Variants in CIMIP2C observed in about 807,000 individuals in gnomAD.
CIMIP2C encodes ciliary microtubule inner protein 2C, also known as UPF0573 protein C2orf70.
chr2:26,573,282 G>C, the CIMIP2C span, among the ~76,000 whole-genome samples: 1 of 152,140 alleles, frequency 6.6e-6, no homozygotes, highest in Non-Finnish European at 1.5e-5. Flanking sequence ...CTTCCTCTTC[G>C]CCATCTTTAA....
At chr2:26,570,303 G>A in the CIMIP2C span, among the ~76,000 whole-genome samples, 1 of 152,186 alleles carries the variant, frequency 6.6e-6, no homozygotes, top group Admixed American at 6.5e-5. Flanking sequence ...CCCTGTAGGC[G>A]GGATGCTTCA....
chr2:26,577,804 CA>C, the CIMIP2C span: 1 of 546,288 alleles, frequency 1.8e-6, no homozygotes, highest in Admixed American at 3.8e-5. Context: ...TTGGCAGCCT[CA>C]GGGGGGATGG....
chr2:26,572,873 C>T, the CIMIP2C span, among the ~76,000 whole-genome samples: 2 of 152,204 alleles, frequency 1.3e-5, no homozygotes, highest in Admixed American at 6.5e-5. Flanking sequence ...GGAACCTCCC[C>T]TCCACGTGGG....
the CIMIP2C span, among the ~76,000 whole-genome samples, chr2:26,571,330 A>G: frequency 9.2e-5 from 14 of 152,246 alleles, no homozygotes; most frequent in African/African-American, 3.1e-4. Context: ...GACACTTGTC[A>G]TGGAGCTCCT....
the CIMIP2C span, among the ~76,000 whole-genome samples, chr2:26,571,574 G>T: frequency 2.0e-5 from 3 of 152,308 alleles, no homozygotes; most frequent in South Asian, 6.2e-4. Flanking sequence ...CACACAGCAG[G>T]TTCCTGATAA....
At chr2:26,573,661 G>A in the CIMIP2C span, among the ~76,000 whole-genome samples, 33 of 152,226 alleles carry the variant, frequency 2.2e-4, no homozygotes, top group African/African-American at 7.5e-4. Flanking sequence ...TGGCCTCCGC[G>A]GGGAACTCAG....
chr2:26,575,844 A>T, the CIMIP2C span: 1 of 1,570,192 alleles, frequency 6.4e-7, no homozygotes, highest in Non-Finnish European at 8.6e-7. Flanking sequence ...CCTCTCTTGG[A>T]ACAGGCCTGG....
At chr2:26,577,946 A>G in the CIMIP2C span, 4 of 377,762 alleles carry the variant, frequency 1.1e-5, no homozygotes, top group Non-Finnish European at 1.9e-5. Context: ...GCAGCCTGGC[A>G]GCTACACTAG....
At chr2:26,567,761 C>A in the CIMIP2C span, among the ~76,000 whole-genome samples, 1 of 152,212 alleles carries the variant, frequency 6.6e-6, no homozygotes, top group African/African-American at 2.4e-5. Context: ...GTATTAGAAT[C>A]TCCTGGGGAG....
the CIMIP2C span, among the ~76,000 whole-genome samples, chr2:26,577,280 A>G: frequency 6.6e-6 from 1 of 152,196 alleles, no homozygotes; most frequent in South Asian, 2.1e-4. Flanking sequence ...CTCCATAGCA[A>G]AGCTGGTCTG....
chr2:26,569,167 G>A, the CIMIP2C span, among the ~76,000 whole-genome samples: 132,167 of 151,920 alleles, frequency 0.87, 58,166 homozygotes, highest in Non-Finnish European at 0.94. Flanking sequence ...TTCAAGATGG[G>A]CCTCAAAGGA....
At chr2:26,572,032 T>A in the CIMIP2C span, 2 of 1,424,818 alleles carry the variant, frequency 1.4e-6, no homozygotes, top group South Asian at 1.4e-5. Flanking sequence ...GATCCCACTA[T>A]AGGAGAGAGA....
chr2:26,565,075 C>CCCCTTT, the CIMIP2C span, among the ~76,000 whole-genome samples: 1 of 149,782 alleles, frequency 6.7e-6, no homozygotes, highest in Admixed American at 6.7e-5. Flanking sequence ...CCTTCCCCTT[C>CCCCTTT]CCCTTCCCCT....
At chr2:26,565,996 C>T in the CIMIP2C span, among the ~76,000 whole-genome samples, 1 of 152,244 alleles carries the variant, frequency 6.6e-6, no homozygotes, top group Admixed American at 6.5e-5. Flanking sequence ...TGGGTCAGAG[C>T]CCCTGAGATT....
At chr2:26,577,370 G>T in the CIMIP2C span, 2 of 701,736 alleles carry the variant, frequency 2.9e-6, no homozygotes, top group Non-Finnish European at 4.8e-6. Context: ...ATTGAGTTGG[G>T]GCCCCAGCAA....
the CIMIP2C span, among the ~76,000 whole-genome samples, chr2:26,565,028 T>A: frequency 6.6e-6 from 1 of 150,652 alleles, no homozygotes; most frequent in Admixed American, 6.6e-5. Flanking sequence ...CTTCTTCTTC[T>A]TCTTCTCCTT....
the CIMIP2C span, among the ~76,000 whole-genome samples, chr2:26,570,243 C>T: frequency 3.3e-5 from 5 of 152,316 alleles, no homozygotes; most frequent in African/African-American, 1.2e-4. Context: ...AGAAGAATCA[C>T]GAGAACACAT....
the CIMIP2C span, chr2:26,579,299 C>T: frequency 1.9e-6 from 3 of 1,614,068 alleles, no homozygotes; most frequent in Non-Finnish European, 2.5e-6. Flanking sequence ...CCTAGGCCTC[C>T]TCTGTGCCCA....
chr2:26,576,018 T>G, the CIMIP2C span: 1 of 1,614,070 alleles, frequency 6.2e-7, no homozygotes, highest in Admixed American at 1.7e-5. Flanking sequence ...CACACTCCCT[T>G]CAGCCAAGGC....
Sources: gnomAD v4.1 joint callset for allele counts (sites outside exome capture counted in the v4.1 genomes callset) on GRCh38, gnomAD v4.1.1 for gene constraint, MANE v1.5 for transcripts, NCBI Gene and HGNC (gene_info 2026-07-23, HGNC 2026-07-21) for gene names.